RTL4: variants seen among roughly 807,000 people sequenced by gnomAD.
The protein encoded by RTL4 is retrotransposon Gag like 4.
A neutral mutation model predicts 5.3 loss-of-function variants in RTL4; 4 were observed. The ratio of observed to expected loss-of-function variants is 0.75; its 90% CI spans 0.37 to 1.72. The LOEUF is 1.72. Among genes scored for constraint, RTL4 ranks in the 40% most tolerant of loss-of-function variants. RTL4 has a pLI of 0.04. For missense variants in RTL4, 260 were observed against 227.1 expected (o/e 1.14, Z -0.93); for synonymous variants, 98 against 87.3 (o/e 1.12, Z -0.68).
At chrX:112,425,516 A>C in the RTL4 span, among the ~76,000 whole-genome samples, 1 of 111,349 alleles carries the variant, frequency 9.0e-6, no homozygotes, top group East Asian at 2.8e-4. Context: ...TGCCTTCCAT[A>C]GGGGTTGTAC....
At chrX:112,414,907 A>AAT in the RTL4 span, among the ~76,000 whole-genome samples, 1 of 111,519 alleles carries the variant, frequency 9.0e-6, no homozygotes, top group Admixed American at 9.6e-5. Context: ...ATGTGTATAT[A>AAT]ATAAATAATT....
the RTL4 span, among the ~76,000 whole-genome samples, chrX:112,369,925 A>G: frequency 4.5e-5 from 5 of 112,147 alleles, no homozygotes; most frequent in Non-Finnish European, 7.5e-5. Flanking sequence ...TGACTCTGAG[A>G]TCAGAGACCT....
At chrX:112,413,862 A>G in the RTL4 span, among the ~76,000 whole-genome samples, 1 of 111,114 alleles carries the variant, frequency 9.0e-6, no homozygotes, top group Admixed American at 9.6e-5. Flanking sequence ...ATTGTTTGTA[A>G]CACAAACGAT....
chrX:112,303,996 C>A, the RTL4 span, among the ~76,000 whole-genome samples: 4 of 110,444 alleles, frequency 3.6e-5, no homozygotes, highest in Middle Eastern at 4.3e-3. Flanking sequence ...CGAAGTGTTG[C>A]GTGTATAGTC....
chrX:112,287,829 GC>G, the RTL4 span, among the ~76,000 whole-genome samples: 2 of 111,907 alleles, frequency 1.8e-5, no homozygotes, highest in Non-Finnish European at 3.8e-5. Context: ...GCCAGTAAAA[GC>G]TAAAAGACCA....
chrX:112,426,450 A>G, the RTL4 span, among the ~76,000 whole-genome samples: 6 of 111,803 alleles, frequency 5.4e-5, no homozygotes, highest in Non-Finnish European at 1.1e-4. Flanking sequence ...TGTTGAATAC[A>G]TAGATCAAGT....
chrX:112,312,807 C>T, the RTL4 span, among the ~76,000 whole-genome samples: 4 of 111,194 alleles, frequency 3.6e-5, no homozygotes, highest in African/African-American at 1.3e-4. Context: ...CCTGTTTCTC[C>T]CCAACTCTGT....
chrX:112,346,339 T>C, the RTL4 span, among the ~76,000 whole-genome samples: 4 of 111,249 alleles, frequency 3.6e-5, no homozygotes, highest in Non-Finnish European at 7.5e-5. Context: ...TGGCTACCAC[T>C]TTCTTCAATT....
At chrX:112,115,590 A>T in the RTL4 span, among the ~76,000 whole-genome samples, 2 of 111,643 alleles carry the variant, frequency 1.8e-5, no homozygotes, top group African/African-American at 6.5e-5. Context: ...GCCTTTGTTA[A>T]GACTGCTACT....
the RTL4 span, among the ~76,000 whole-genome samples, chrX:112,238,061 T>C: frequency 8.9e-6 from 1 of 111,919 alleles, no homozygotes; most frequent in Non-Finnish European, 1.9e-5. Flanking sequence ...ACTTAAAAAA[T>C]ACAGAAAAGT....
the RTL4 span, among the ~76,000 whole-genome samples, chrX:112,198,308 T>C: frequency 8.9e-6 from 1 of 111,969 alleles, no homozygotes; most frequent in African/African-American, 3.2e-5. Context: ...GATTTTTCTC[T>C]GATTTATTTG....
the RTL4 span, chrX:112,382,192 C>A: frequency 2.5e-6 from 3 of 1,190,204 alleles, no homozygotes; most frequent in Non-Finnish European, 3.4e-6. Flanking sequence ...CAGTCTTCCC[C>A]AAGGCACCAA....
the RTL4 span, among the ~76,000 whole-genome samples, chrX:112,131,101 G>T: frequency 2.7e-5 from 3 of 109,113 alleles, no homozygotes; most frequent in African/African-American, 1.0e-4. Context: ...GCCCTGCCTG[G>T]GTGAGTTTTA....
At chrX:112,090,345 A>G in the RTL4 span, among the ~76,000 whole-genome samples, 3 of 110,963 alleles carry the variant, frequency 2.7e-5, no homozygotes, top group African/African-American at 9.8e-5. Context: ...AAAGATTTAA[A>G]TTTTTCACTA....
the RTL4 span, among the ~76,000 whole-genome samples, chrX:112,254,889 T>C: frequency 8.9e-6 from 1 of 112,120 alleles, no homozygotes; most frequent in Non-Finnish European, 1.9e-5. Flanking sequence ...ATGTTATAAC[T>C]AGTTCAAAAG....
chrX:112,093,507 GA>G, the RTL4 span, among the ~76,000 whole-genome samples: 4 of 111,563 alleles, frequency 3.6e-5, no homozygotes, highest in South Asian at 1.5e-3. Flanking sequence ...CATCTTTCAA[GA>G]GAGTTTTCTT....
At chrX:112,447,904 C>G in the RTL4 span, among the ~76,000 whole-genome samples, 2 of 111,565 alleles carry the variant, frequency 1.8e-5, no homozygotes, top group African/African-American at 3.3e-5. Flanking sequence ...ATTTCCTGAG[C>G]CTCAGATTCT....
At chrX:112,366,510 T>C in the RTL4 span, among the ~76,000 whole-genome samples, 1 of 111,518 alleles carries the variant, frequency 9.0e-6, no homozygotes, top group African/African-American at 3.3e-5. Context: ...TGTGGGCTCA[T>C]GTAATTCAGT....
At chrX:112,320,193 C>T in the RTL4 span, 1 of 111,869 alleles carries the variant, frequency 8.9e-6, no homozygotes, top group Admixed American at 9.5e-5. Context: ...AAGGACTGGT[C>T]TTGATGCCTC....
Sources: gnomAD v4.1 joint callset for allele counts (sites outside exome capture counted in the v4.1 genomes callset) on GRCh38, gnomAD v4.1.1 for gene constraint, MANE v1.5 for transcripts, NCBI Gene and HGNC (gene_info 2026-07-23, HGNC 2026-07-21) for gene names.